Variants in PKHD1L1 observed in about 807,000 individuals in gnomAD.
The protein encoded by PKHD1L1 is PKHD1 like 1, also known as fibrocystin-L.
A neutral mutation model predicts 462.9 loss-of-function variants in PKHD1L1; 434 were observed. The ratio of observed to expected loss-of-function variants is 0.94; its 90% CI spans 0.87 to 1.02. The LOEUF (loss-of-function observed/expected upper bound fraction) is 1.02, where lower values mean the gene tolerates loss of function less well. PKHD1L1 is among the 50% of genes least tolerant of loss of function. PKHD1L1 has a pLI of 0.00. For missense variants in PKHD1L1, 5,202 were observed against 5,096.1 expected (o/e 1.02, Z -0.63); for synonymous variants, 1,781 against 1,750.0 (o/e 1.02, Z -0.44).
At chr8:109,395,989 A>G (rs762333451) in intron 10 of PKHD1L1, 38 bp from the exon 11 acceptor site, 3 of 1,396,646 alleles carry the variant, frequency 2.1e-6, no homozygotes, top group Non-Finnish European at 3.0e-6. Context: ...TTTATGTGTA[A>G]TATTTATGAT....
At position 109,448,397 on chromosome 8, in the gene PKHD1L1, C is replaced by T; in HGVS notation, c.6025+6C>T. 6.3e-7 allele frequency: 1 copy of T among 1,599,832 alleles called. No individual in the cohort carries two copies. Among genetic ancestry groups the T allele is most frequent in the South Asian group, 1.1e-5 (1 of 88,596 alleles). ...AAATATTAATCCAAGCCAAGGTAGT[C>T]ATAAGTATGCAAGAACCTGCAGATA... is the stretch of plus-strand genomic sequence containing the variant. On this transcript the variant is annotated splice_donor_region_variant and intron_variant, in intron 39 of 77. Transcript: ENST00000378402.
chr8:109,423,621 A>G (rs1228314786), intron 23 of PKHD1L1, among the ~76,000 whole-genome samples: 2 of 152,134 alleles, frequency 1.3e-5, no homozygotes, highest in African/African-American at 4.8e-5. Context: ...GTGCCTTCCC[A>G]TATAAATTTT....
At position 109,532,752 on chromosome 8, in the gene PKHD1L1, A is replaced by G. The variant is rs935776928; in HGVS notation, c.*2662A>G. On this transcript the variant is annotated 3_prime_UTR_variant, in exon 78 of 78. Transcript: ENST00000378402. ...TGTACTACTGTCTCTACTCATTCCT[A>G]AATTCCATCACCTTGTGATCATTGC... is the stretch of plus-strand genomic sequence containing the variant. Among the ~76,000 whole-genome samples, 3 of 152,214 alleles carry G rather than the reference A, an allele frequency of 2.0e-5. No homozygotes were observed. The highest frequency in any genetic ancestry group is 4.4e-5 in the Non-Finnish European group (3 of 68,036).
intron 50 of PKHD1L1, among the ~76,000 whole-genome samples, chr8:109,467,916 AAG>A (rs774356521): frequency 3.4e-4 from 52 of 152,286 alleles, no homozygotes; most frequent in African/African-American, 1.1e-3. Context: ...AGTATAGAAA[AAG>A]AGTTTAATAA....
intron 14 of PKHD1L1, among the ~76,000 whole-genome samples, chr8:109,404,308 A>G (rs1813416655): frequency 6.6e-6 from 1 of 152,154 alleles, no homozygotes; most frequent in South Asian, 2.1e-4. Context: ...TTTATTGACT[A>G]AGCTGAATGA....
At chr8:109,433,349 G>A in intron 28 of PKHD1L1, 133 bp downstream of exon 28, 2 of 790,686 alleles carry the variant, frequency 2.5e-6, no homozygotes, top group Non-Finnish European at 2.0e-6. Flanking sequence ...TGATCCCTAT[G>A]GGGTCATGAA....
chr8:109,407,699 G>A (rs1019038458), intron 17 of PKHD1L1, among the ~76,000 whole-genome samples: 95 of 152,138 alleles, frequency 6.2e-4, no homozygotes, highest in Non-Finnish European at 1.2e-3. Flanking sequence ...CTAAAATAAT[G>A]GTACTAGCAC....
In PKHD1L1 at chr8:109,442,007, T is replaced by C. The variant is rs1385451008; in HGVS notation, c.4205T>C (p.Val1402Ala). Residue 1402 changes from valine to alanine, a missense_variant and splice_region_variant, in exon 35 of 78, where the codon GTA (valine) becomes GCA (alanine). Transcript: ENST00000378402. ...FRITNNGKDS[V>A]HGLGYAWSPP... ...AATATTACTCAATTCTTGCCCCCAG[T>C]ACATGGATTAGGTTATGCCTGGTCA... 6.3e-7 allele frequency: 1 copy of C among 1,578,778 alleles called. No individual in the cohort carries two copies. The highest frequency in any genetic ancestry group is 8.6e-7 in the Non-Finnish European group (1 of 1,166,536).
intron 18 of PKHD1L1, among the ~76,000 whole-genome samples, chr8:109,408,702 A>G (rs1195597971): frequency 6.6e-6 from 1 of 152,200 alleles, no homozygotes; most frequent in Non-Finnish European, 1.5e-5. Context: ...TAACTCAGCA[A>G]ATTTTAAGAC....
At chr8:109,395,919 T>C in intron 10 of PKHD1L1, 108 bp from the exon 11 acceptor site, 3 of 674,000 alleles carry the variant, frequency 4.5e-6, no homozygotes, top group South Asian at 1.8e-5. Flanking sequence ...GGTAATCTAC[T>C]ACCTGTGTTA....
At chr8:109,446,983 G>A (rs886448838) in intron 38 of PKHD1L1, among the ~76,000 whole-genome samples, 3 of 152,160 alleles carry the variant, frequency 2.0e-5, no homozygotes, top group Non-Finnish European at 2.9e-5. Flanking sequence ...TAGCACTTTG[G>A]GAGGCTGAGG....
At position 109,404,552 on chromosome 8, in the gene PKHD1L1, A is replaced by C; in HGVS notation, c.1374-2A>C. ...ATATTCATTAGTTACTCTATTTTCC[A>C]GATACTATATTGAAATCTTGCTGCA... is the stretch of plus-strand genomic sequence containing the variant. On this transcript the variant is annotated splice_acceptor_variant, in intron 14 of 77. Coordinates refer to ENST00000378402, the MANE Select transcript of PKHD1L1 (RefSeq NM_177531.6). LOFTEE classifies it high-confidence loss of function. 1 of 1,522,900 alleles carries C rather than the reference A, an allele frequency of 6.6e-7. No individual in the cohort carries two copies. The highest frequency in any genetic ancestry group is 8.8e-7 in the Non-Finnish European group (1 of 1,132,018). 94.3% of individuals were successfully genotyped at this position (1,522,900 alleles called of 1,614,324 possible).
intron 23 of PKHD1L1, among the ~76,000 whole-genome samples, chr8:109,423,937 G>A (rs1334694941): frequency 6.6e-6 from 1 of 152,230 alleles, no homozygotes; most frequent in Non-Finnish European, 1.5e-5. Flanking sequence ...TTTTAAATTC[G>A]ATTTCCACAT....
rs1183710465 is a variant in PKHD1L1 at position 109,532,915 on chromosome 8, A to G, written c.*2825A>G. Among the ~76,000 whole-genome samples the G allele has an allele frequency of 1.3e-5, 2 of 152,236 alleles. No homozygotes were observed. The highest frequency in any genetic ancestry group is 3.8e-4 in the East Asian group (2 of 5,196). On this transcript the variant is annotated 3_prime_UTR_variant, in exon 78 of 78. Coordinates refer to ENST00000378402, the MANE Select transcript of PKHD1L1 (RefSeq NM_177531.6). ...GTTTATCACATGTTCACTACATGCC[A>G]GACACTATGCTGTGTGTTCTACATG...
At position 109,400,204 on chromosome 8, in the gene PKHD1L1, T is replaced by C. The variant is rs367664078; in HGVS notation, c.1141T>C (p.Trp381Arg). The change falls in exon 13 of 78, where the codon TGG becomes CGG. Residue 381 changes from tryptophan (W) to arginine (R), a missense_variant. This residue lies in a region of PKHD1L1 where 4,497 missense variants were observed against 4,336.8 expected (regional missense o/e 1.04). Transcript: ENST00000378402. ...TTGGGTAGATTCAGCTTCCTATATTTGGCTCATGGAACAAGACACATTTGT... is the reference window on the plus strand; with the variant it reads ...TTGGGTAGATTCAGCTTCCTATATTCGGCTCATGGAACAAGACACATTTGT... ...ASWVDSASYI[W>R]LMEQDTFVAR... The C allele has an allele frequency of 7.7e-5, 125 of 1,613,614 alleles. No individual in the cohort carries two copies. The highest frequency in any genetic ancestry group is 9.7e-5 in the Non-Finnish European group (115 of 1,179,716).
chr8:109,486,800 G>A lies in PKHD1L1; in HGVS notation c.9859G>A (p.Glu3287Lys). 6.2e-7 allele frequency: 1 copy of A among 1,611,572 alleles called. No homozygotes were observed. The highest frequency in any genetic ancestry group is 8.5e-7 in the Non-Finnish European group (1 of 1,178,490). Reference sequence around the variant, plus strand: ...ACGCGTACTGGTTGGCTCATTCACTGAAAATATGATGACATTTAAAGGTTG... The same window carrying A: ...ACGCGTACTGGTTGGCTCATTCACTAAAAATATGATGACATTTAAAGGTTG... ...GARVLVGSFT[E>K]NMMTFKGNAR... The change falls in exon 59 of 78, where the codon GAA (glutamate) becomes AAA (lysine). Residue 3287 changes from glutamate to lysine, a missense_variant. Transcript: ENST00000378402.
intron 21 of PKHD1L1, among the ~76,000 whole-genome samples, chr8:109,416,504 G>GTT (rs1244135480): frequency 1.3e-5 from 2 of 152,134 alleles, no homozygotes; most frequent in African/African-American, 4.8e-5. Context: ...TGTTGAGAGA[G>GTT]ATATATTAGT....
At chr8:109,432,458 G>T (rs1815162509) in intron 27 of PKHD1L1, among the ~76,000 whole-genome samples, 1 of 152,028 alleles carries the variant, frequency 6.6e-6, no homozygotes, top group Admixed American at 6.6e-5. Flanking sequence ...TGTGCATGGT[G>T]TTACGTAAGT....
At chr8:109,463,299 G>A (rs1817240987) in intron 48 of PKHD1L1, among the ~76,000 whole-genome samples, 1 of 151,974 alleles carries the variant, frequency 6.6e-6, no homozygotes, top group Non-Finnish European at 1.5e-5. Flanking sequence ...AGGGAGGAAG[G>A]GATAATAAAA....
Sources: allele counts gnomAD v4.1 joint callset (sites outside exome capture counted in the v4.1 genomes callset), GRCh38; gene constraint gnomAD v4.1.1; regional missense constraint gnomAD v4.1.1; transcripts MANE v1.5; gene names NCBI Gene and HGNC (gene_info 2026-07-23, HGNC 2026-07-21).